CREB1: variants seen among roughly 807,000 people sequenced by gnomAD.
CREB1 encodes the protein cAMP responsive element binding protein 1.
A neutral mutation model predicts 42.0 loss-of-function variants in CREB1; 2 were observed. The ratio of observed to expected loss-of-function variants is 0.05; its 90% CI spans 0.02 to 0.15. The LOEUF (loss-of-function observed/expected upper bound fraction) is 0.15, where lower values mean the gene tolerates loss of function less well. Ranked by LOEUF, CREB1 falls within the 10% of genes least tolerant of loss-of-function variation. The pLI is 1.00. For missense variants in CREB1, 199 were observed against 388.9 expected (o/e 0.51, Z 4.11); for synonymous variants, 123 against 139.9 (o/e 0.88, Z 0.85).
intron 3 of CREB1, chr2:207,561,124 C>T: frequency 6.2e-7 from 1 of 1,613,324 alleles, no homozygotes; most frequent in Non-Finnish European, 8.5e-7. Flanking sequence ...CACAGTCTTC[C>T]TGTAAGGACT....
intron 7 of CREB1, 80 bp downstream of exon 7, chr2:207,577,735 C>T (rs2082650472): frequency 6.6e-7 from 1 of 1,520,870 alleles, no homozygotes; most frequent in South Asian, 1.2e-5. Flanking sequence ...TTTACATCTA[C>T]TGGTAATAGG....
chr2:207,585,491 T>C (rs942394433), intron 7 of CREB1, among the ~76,000 whole-genome samples: 2 of 152,170 alleles, frequency 1.3e-5, no homozygotes. Flanking sequence ...GTTGCACAGA[T>C]ATCAAGATAA....
intron 1 of CREB1, chr2:207,534,504 T>C (rs747014157): frequency 6.6e-6 from 1 of 152,252 alleles, no homozygotes; most frequent in Non-Finnish European, 1.5e-5. Flanking sequence ...GCTGGTCTGT[T>C]ACTTTTTAAA....
At chr2:207,547,902 C>CA (rs1196762502) in intron 1 of CREB1, among the ~76,000 whole-genome samples, 1 of 151,648 alleles carries the variant, frequency 6.6e-6, no homozygotes, top group African/African-American at 2.4e-5. Flanking sequence ...GCTGTCAAAC[C>CA]ATGCAATATG....
chr2:207,555,853 G>A (rs2081698395), intron 2 of CREB1, 104 bp downstream of exon 2: 6 of 656,778 alleles, frequency 9.1e-6, no homozygotes, highest in Admixed American at 2.7e-5. Context: ...AATGAGCAGA[G>A]ATACTCTTAC....
At chr2:207,537,672 C>A (rs2080927915) in intron 1 of CREB1, among the ~76,000 whole-genome samples, 1 of 152,156 alleles carries the variant, frequency 6.6e-6, no homozygotes, top group Non-Finnish European at 1.5e-5. Context: ...GTTTTTGAGA[C>A]AAAACTTAAA....
chr2:207,589,529 C>A (rs1394647170), intron 7 of CREB1, among the ~76,000 whole-genome samples: 1 of 152,202 alleles, frequency 6.6e-6, no homozygotes, highest in Non-Finnish European at 1.5e-5. Flanking sequence ...CATACTCACA[C>A]ACTGCAGAGA....
intron 7 of CREB1, chr2:207,582,222 T>G: frequency 1.4e-6 from 1 of 701,690 alleles, no homozygotes; most frequent in Non-Finnish European, 2.6e-6. Flanking sequence ...AGTAATTAGG[T>G]GTATTTTAGA....
chr2:207,568,808 A>G (rs1416214851), intron 4 of CREB1, among the ~76,000 whole-genome samples: 1 of 152,052 alleles, frequency 6.6e-6, no homozygotes, highest in East Asian at 1.9e-4. Flanking sequence ...GTTCCATTTT[A>G]GAGTTTCTCC....
intron 7 of CREB1, among the ~76,000 whole-genome samples, chr2:207,585,583 A>C (rs1344890497): frequency 6.6e-6 from 1 of 152,214 alleles, no homozygotes; most frequent in African/African-American, 2.4e-5. Context: ...ATCTCAAAGA[A>C]CCAGGTAATC....
intron 2 of CREB1, among the ~76,000 whole-genome samples, chr2:207,559,695 T>A (rs2081880480): frequency 6.6e-6 from 1 of 152,242 alleles, no homozygotes; most frequent in African/African-American, 2.4e-5. Context: ...GGTTTGCTTA[T>A]GCTTGAGAGC....
In CREB1 at chr2:207,567,445, G is replaced by A. The variant is rs746874113; in HGVS notation, c.262-18G>A. On this transcript the variant is annotated intron_variant, in intron 3 of 7. Transcript: ENST00000353267. ...AACTAAATTTGATTATCAATATGAA[G>A]TTTTTCTTTAATTTCAGATTTCAAC... The A allele has an allele frequency of 1.9e-6, 3 of 1,568,814 alleles. No homozygotes were observed. Among genetic ancestry groups the A allele is most frequent in the South Asian group, 2.3e-5 (2 of 87,888 alleles).
chr2:207,604,905 A>G lies in CREB1; in HGVS notation c.*7847A>G, dbSNP rs1008946165. Among the ~76,000 whole-genome samples the G allele has an allele frequency of 4.6e-5, 7 of 152,152 alleles. No individual in the cohort carries two copies. Among genetic ancestry groups the G allele is most frequent in the Non-Finnish European group, 7.3e-5 (5 of 68,036 alleles). ...CATTGTAACATGTTATCACTACTTC[A>G]TTCCTTTTTATAGCTAAGTATACTT... is the stretch of plus-strand genomic sequence containing the variant. On this transcript the variant is annotated 3_prime_UTR_variant, in exon 8 of 8. Coordinates refer to ENST00000353267, the MANE Select transcript of CREB1 (RefSeq NM_004379.5).
chr2:207,534,940 C>T (rs1311635672), intron 1 of CREB1, among the ~76,000 whole-genome samples: 1 of 152,190 alleles, frequency 6.6e-6, no homozygotes, highest in African/African-American at 2.4e-5. Flanking sequence ...GCTTTACCCC[C>T]ACCACTTAAT....
intron 6 of CREB1, among the ~76,000 whole-genome samples, chr2:207,575,816 C>A (rs1055606896): frequency 6.6e-6 from 1 of 151,654 alleles, no homozygotes; most frequent in African/African-American, 2.4e-5. Flanking sequence ...CTGCTCTGAG[C>A]CTCAGGAAAG....
At chr2:207,590,447 G>A (rs72958119) in intron 7 of CREB1, among the ~76,000 whole-genome samples, 1,613 of 151,726 alleles carry the variant, frequency 0.011, 21 homozygotes, top group Middle Eastern at 0.017. Flanking sequence ...CCTTAGAATT[G>A]TATTGATTTG....
At chr2:207,581,027 G>C (rs901569700) in intron 7 of CREB1, 1 of 217,154 alleles carries the variant, frequency 4.6e-6, no homozygotes, top group East Asian at 6.8e-5. Flanking sequence ...GAAAAATTGT[G>C]AAAGTAATAC....
In CREB1 at chr2:207,600,683, A is replaced by G. The variant is rs1309837310; in HGVS notation, c.*3625A>G. 4.7e-6 allele frequency: 1 copy of G among 210,982 alleles called. No individual in the cohort carries two copies. Among genetic ancestry groups the G allele is most frequent in the Non-Finnish European group, 9.6e-6 (1 of 103,920 alleles). The allele number at this position is 210,982 out of a possible 1,614,324, so 13.1% of individuals were successfully genotyped here. On this transcript the variant is annotated 3_prime_UTR_variant, in exon 8 of 8. Coordinates refer to ENST00000353267, the MANE Select transcript of CREB1 (RefSeq NM_004379.5). The stretch of plus-strand genomic sequence containing the variant: ...GGATTTTGTCAGAAAATGTGTTTTG[A>G]TGGTAGGTCAGCAGCAGTGCTAGTC...
chr2:207,587,301 G>A (rs937759043), intron 7 of CREB1, among the ~76,000 whole-genome samples: 1 of 151,630 alleles, frequency 6.6e-6, no homozygotes, highest in Non-Finnish European at 1.5e-5. Flanking sequence ...GCTGAGGCAG[G>A]AGAATGGCGT....
Sources: allele counts gnomAD v4.1 joint callset (sites outside exome capture counted in the v4.1 genomes callset), GRCh38; gene constraint gnomAD v4.1.1; transcripts MANE v1.5; gene names NCBI Gene and HGNC (gene_info 2026-07-23, HGNC 2026-07-21).